The following NRCAM variants were observed in gnomAD, a reference collection of about 807,000 sequenced individuals.
NRCAM encodes neuronal cell adhesion molecule.
In NRCAM, 83 loss-of-function variants were observed where a neutral mutation model predicts 156.5. That is an observed-to-expected ratio of 0.53 (90% CI 0.44 to 0.64). The LOEUF (loss-of-function observed/expected upper bound fraction) is 0.64, where lower values mean the gene tolerates loss of function less well. Among genes scored for constraint, NRCAM ranks in the 30% least tolerant of loss-of-function variants. The pLI, the probability that NRCAM is intolerant of heterozygous loss-of-function variation, is 0.00. For missense variants in NRCAM, 1,417 were observed against 1,597.3 expected, an observed-to-expected ratio of 0.89 and a Z score of 1.92; for synonymous variants, 538 against 563.9, an observed-to-expected ratio of 0.95 and a Z score of 0.65.
intron 2 of NRCAM, among the ~76,000 whole-genome samples, chr7:108,337,419 G>A (rs1445687251): frequency 2.0e-5 from 3 of 152,174 alleles, no homozygotes; most frequent in Admixed American, 6.5e-5. Flanking sequence ...CACCACTGCT[G>A]TTTGCCACCG....
chr7:108,159,875 C>A (rs1359816885), intron 31 of NRCAM, among the ~76,000 whole-genome samples: 1 of 151,962 alleles, frequency 6.6e-6, no homozygotes, highest in Non-Finnish European at 1.5e-5. Context: ...TATTCTCTCA[C>A]AGATTTTTTT....
rs569994925 is a variant in NRCAM at position 108,311,569 on chromosome 7, G to T, written c.-107+1096C>A. On this transcript the variant is annotated intron_variant, in intron 3 of 32. Coordinates refer to ENST00000379028, the MANE Select transcript of NRCAM (RefSeq NM_001037132.4). ...TCACTTTTCAGGGACTGTTCAAGCA[G>T]AACAAAATTTGTGCTATTTGATTTA... Among the ~76,000 whole-genome samples the T allele has an allele frequency of 8.9e-4, 136 of 152,126 alleles. 1 individual carries two copies. Among genetic ancestry groups the T allele is most frequent in the Non-Finnish European group, 1.8e-3 (119 of 68,000 alleles).
At chr7:108,322,192 A>G (rs1280527463) in intron 2 of NRCAM, among the ~76,000 whole-genome samples, 1 of 152,132 alleles carries the variant, frequency 6.6e-6, no homozygotes, top group Non-Finnish European at 1.5e-5. Context: ...TTGGTTCAAC[A>G]TTCTTTTTAG....
At chr7:108,305,760 A>C (rs2098705994) in intron 3 of NRCAM, among the ~76,000 whole-genome samples, 1 of 152,230 alleles carries the variant, frequency 6.6e-6, no homozygotes, top group African/African-American at 2.4e-5. Flanking sequence ...AAGAAAATGC[A>C]TATCTAATTA....
Position 108,195,907 on chromosome 7 carries a change from G to T in NRCAM, c.1352-35C>A, listed in dbSNP as rs1311693492. On this transcript the variant is annotated intron_variant, in intron 14 of 32. Coordinates refer to ENST00000379028, the MANE Select transcript of NRCAM (RefSeq NM_001037132.4). The stretch of plus-strand genomic sequence containing the variant: ...TTTTTAAAAGGTAAAGTAAATATTA[G>T]AATACATTTTAGGACTATCGTTTAT... The T allele has an allele frequency of 4.6e-6, 6 of 1,304,150 alleles. No individual in the cohort carries two copies. The Admixed American group carries it at 7.1e-5, about 16-fold the overall frequency. The allele number at this position is 1,304,150 out of a possible 1,614,324, so 80.8% of individuals were successfully genotyped here.
At chr7:108,184,103 T>G in intron 22 of NRCAM, 138 bp downstream of exon 22, 1 of 421,294 alleles carries the variant, frequency 2.4e-6, no homozygotes, top group Non-Finnish European at 3.9e-6. Context: ...TAAAGATATA[T>G]ATGTATCTTT....
intron 3 of NRCAM, among the ~76,000 whole-genome samples, chr7:108,305,135 A>G (rs951621747): frequency 6.6e-5 from 10 of 152,146 alleles, no homozygotes; most frequent in Admixed American, 6.5e-4. Flanking sequence ...GGTAGAATAT[A>G]TTTATTTTTC....
chr7:108,187,239 A>T (rs989165293), intron 20 of NRCAM, among the ~76,000 whole-genome samples: 3 of 152,164 alleles, frequency 2.0e-5, no homozygotes, highest in African/African-American at 7.2e-5. Context: ...ACAGTGGCCT[A>T]CAGGACCTTG....
At chr7:108,241,611 C>G (rs2095532181) in intron 3 of NRCAM, among the ~76,000 whole-genome samples, 1 of 152,102 alleles carries the variant, frequency 6.6e-6, no homozygotes, top group South Asian at 2.1e-4. Context: ...TCTGTCCTAT[C>G]CCCCACTGCA....
chr7:108,374,785 T>G (rs77052370), intron 2 of NRCAM, among the ~76,000 whole-genome samples: 1 of 151,984 alleles, frequency 6.6e-6, no homozygotes, highest in Non-Finnish European at 1.5e-5. Flanking sequence ...CAGAGCACAG[T>G]ATGGGTATGC....
intron 13 of NRCAM, among the ~76,000 whole-genome samples, chr7:108,201,456 C>T (rs17328414): frequency 0.014 from 2,192 of 152,274 alleles, 25 homozygotes; most frequent in Middle Eastern, 0.027. Context: ...TACACCACCA[C>T]GCGATATTTA....
chr7:108,244,445 T>C (rs536294025), intron 3 of NRCAM, among the ~76,000 whole-genome samples: 1 of 152,184 alleles, frequency 6.6e-6, no homozygotes, highest in Non-Finnish European at 1.5e-5. Context: ...ATATTTTAAA[T>C]ATTTATCTTA....
intron 3 of NRCAM, among the ~76,000 whole-genome samples, chr7:108,268,635 T>TGGG (rs1563033340): frequency 2.7e-5 from 1 of 37,622 alleles, no homozygotes; most frequent in African/African-American, 1.4e-4. Flanking sequence ...TGGGGGGGGG[T>TGGG]TGGGGGGGGC....
intron 12 of NRCAM, among the ~76,000 whole-genome samples, chr7:108,209,132 T>C (rs940861532): frequency 1.3e-5 from 2 of 152,230 alleles, no homozygotes; most frequent in Non-Finnish European, 1.5e-5. Context: ...ATTCATTGTT[T>C]GATCTTGCCG....
At chr7:108,339,222 T>G (rs945475549) in intron 2 of NRCAM, among the ~76,000 whole-genome samples, 2 of 152,032 alleles carry the variant, frequency 1.3e-5, no homozygotes, top group African/African-American at 4.8e-5. Context: ...CAGTACAGGA[T>G]GATAGATGGT....
chr7:108,307,028 C>T (rs537897626), intron 3 of NRCAM, among the ~76,000 whole-genome samples: 1 of 152,170 alleles, frequency 6.6e-6, no homozygotes, highest in Non-Finnish European at 1.5e-5. Flanking sequence ...GAAGAGCATT[C>T]CTCCTATGAA....
intron 2 of NRCAM, chr7:108,313,067 CTTATTA>C (rs911517619): frequency 4.0e-5 from 6 of 151,660 alleles, no homozygotes; most frequent in African/African-American, 7.3e-5. Context: ...TTGCTATGGG[CTTATTA>C]TTATTATTAT....
intron 13 of NRCAM, among the ~76,000 whole-genome samples, chr7:108,206,252 C>T (rs1196009940): frequency 7.9e-5 from 12 of 152,182 alleles, no homozygotes; most frequent in Non-Finnish European, 1.2e-4. Context: ...AGACTTGTGC[C>T]ACTTTAAATC....
At chr7:108,239,370 T>C (rs944957232) in intron 4 of NRCAM, among the ~76,000 whole-genome samples, 1 of 152,196 alleles carries the variant, frequency 6.6e-6, no homozygotes, top group African/African-American at 2.4e-5. Flanking sequence ...TGTTAGGCTC[T>C]AGATAAGATA....
Sources: gnomAD v4.1 joint callset for allele counts (sites outside exome capture counted in the v4.1 genomes callset) on GRCh38, gnomAD v4.1.1 for gene constraint, MANE v1.5 for transcripts, NCBI Gene and HGNC (gene_info 2026-07-23, HGNC 2026-07-21) for gene names.